RASGRF2: variants seen among roughly 807,000 people sequenced by gnomAD.
The protein encoded by RASGRF2 is Ras protein specific guanine nucleotide releasing factor 2.
A neutral mutation model predicts 151.0 loss-of-function variants in RASGRF2; 76 were observed. The observed-to-expected ratio is 0.50, with a 90% CI of 0.42 to 0.61. The LOEUF (loss-of-function observed/expected upper bound fraction) is 0.61, where lower values mean the gene tolerates loss of function less well. Ranked by LOEUF, RASGRF2 falls within the 20% of genes least tolerant of loss-of-function variation. The probability of loss-of-function intolerance (pLI) is 0.00; values close to 1 mark genes in which losing one functional copy is unlikely to be tolerated. For synonymous variants in RASGRF2, 504 were observed against 566.5 expected (o/e 0.89, Z 1.57); for missense variants, 1,148 against 1,564.6 (o/e 0.73, Z 4.49).
At chr5:81,019,981 A>C (rs1291837088) in intron 1 of RASGRF2, among the ~76,000 whole-genome samples, 1 of 152,260 alleles carries the variant, frequency 6.6e-6, no homozygotes, top group East Asian at 1.9e-4. Context: ...CAGAGTTTTA[A>C]GTGAGCTTGT....
chr5:81,123,599 A>C (rs1580338100), intron 15 of RASGRF2, 43 bp from the exon 16 acceptor site: 2 of 1,593,926 alleles, frequency 1.3e-6, no homozygotes, highest in Admixed American at 3.5e-5. Flanking sequence ...GAAGCTCTTG[A>C]ATTCATGGCC....
chr5:81,178,166 C>G (rs1276622428), intron 17 of RASGRF2, among the ~76,000 whole-genome samples: 1 of 152,220 alleles, frequency 6.6e-6, no homozygotes, highest in East Asian at 1.9e-4. Context: ...GAGGCTATTA[C>G]AGTAGACAGA....
chr5:81,215,722 T>A (rs1467586209), intron 23 of RASGRF2, among the ~76,000 whole-genome samples, 154 bp from the exon 24 acceptor site: 1 of 152,254 alleles, frequency 6.6e-6, no homozygotes, highest in Non-Finnish European at 1.5e-5. Flanking sequence ...ATGCCCTGTC[T>A]CTACATCTTA....
At chr5:81,004,272 A>T (rs58733230) in intron 1 of RASGRF2, among the ~76,000 whole-genome samples, 29,730 of 152,172 alleles carry the variant, frequency 0.2, 3,563 homozygotes, top group African/African-American at 0.35. Context: ...AACAGGGGAG[A>T]CAATTATGCT....
chr5:81,038,280 T>A (rs1174058338), intron 1 of RASGRF2, among the ~76,000 whole-genome samples: 1 of 152,180 alleles, frequency 6.6e-6, no homozygotes, highest in African/African-American at 2.4e-5. Flanking sequence ...CCAGGTTTTG[T>A]CAAATTGCTT....
At chr5:81,034,946 A>T (rs1453824298) in intron 1 of RASGRF2, among the ~76,000 whole-genome samples, 4 of 152,076 alleles carry the variant, frequency 2.6e-5, no homozygotes, top group African/African-American at 7.2e-5. Context: ...TTAAAGTATA[A>T]TAAAAATAAA....
chr5:80,985,463 A>G (rs1292820759), intron 1 of RASGRF2, among the ~76,000 whole-genome samples: 1 of 152,242 alleles, frequency 6.6e-6, no homozygotes, highest in Non-Finnish European at 1.5e-5. Context: ...TTTTTGTGGC[A>G]TGAGAATTTA....
At chr5:81,176,957 G>A (rs925292523) in intron 17 of RASGRF2, among the ~76,000 whole-genome samples, 25 of 152,278 alleles carry the variant, frequency 1.6e-4, no homozygotes, top group African/African-American at 5.5e-4. Context: ...CTTTTATGGA[G>A]GGGTGGTCCT....
intron 1 of RASGRF2, among the ~76,000 whole-genome samples, chr5:81,013,647 A>G (rs140113331): frequency 2.0e-5 from 3 of 151,896 alleles, no homozygotes; most frequent in East Asian, 1.9e-4. Context: ...ATGTGTATAT[A>G]TATATGTTAT....
chr5:81,006,680 ACCTCTCGGATCCC>A (rs1001248707), intron 1 of RASGRF2, among the ~76,000 whole-genome samples: 112 of 152,136 alleles, frequency 7.4e-4, no homozygotes, highest in African/African-American at 2.2e-3. Flanking sequence ...GAGCCTTGAG[ACCTCTCGGATCCC>A]CCTTTCCCCA....
In RASGRF2 at chr5:81,206,941, G is replaced by A. The variant is rs1173258144; in HGVS notation, c.2967+36G>A. The A allele has an allele frequency of 2.7e-6, 4 of 1,494,438 alleles. No individual in the cohort carries two copies. The African/African-American group carries it at 4.2e-5, about 16-fold the overall frequency. The allele number at this position is 1,494,438 out of a possible 1,614,324, so 92.6% of individuals were successfully genotyped here. A position where few individuals can be genotyped will look rare whatever the true frequency, so the allele number is the denominator to read the frequency against. ...CCACATTTTTATCTAGCACAACTAT[G>A]TGCAAACTACCTCTCCAAGGCGAGC... On this transcript the variant is annotated intron_variant, in intron 20 of 26. Transcript: ENST00000265080.
chr5:81,089,627 T>A (rs1463322894), intron 9 of RASGRF2, among the ~76,000 whole-genome samples: 2 of 152,218 alleles, frequency 1.3e-5, no homozygotes, highest in Non-Finnish European at 2.9e-5. Context: ...AATAGTTTGT[T>A]GAATAAATGT....
intron 18 of RASGRF2, among the ~76,000 whole-genome samples, chr5:81,180,798 G>A (rs1474203796): frequency 1.3e-5 from 2 of 152,088 alleles, no homozygotes; most frequent in East Asian, 3.9e-4. Flanking sequence ...GCCCGTTGAT[G>A]TTTTGGGTCC....
At chr5:81,073,525 C>G (rs2112463884) in intron 5 of RASGRF2, 73 bp downstream of exon 5, 2 of 1,462,532 alleles carry the variant, frequency 1.4e-6, no homozygotes, top group Non-Finnish European at 1.8e-6. Flanking sequence ...TTTACTTAAT[C>G]TTTAAAAGGG....
At chr5:80,987,963 A>G (rs1480508388) in intron 1 of RASGRF2, among the ~76,000 whole-genome samples, 2 of 135,642 alleles carry the variant, frequency 1.5e-5, no homozygotes, top group Non-Finnish European at 3.1e-5. Context: ...TTTCATTTGT[A>G]CCACATTATC....
chr5:81,184,393 C>T (rs1239268700), intron 18 of RASGRF2, among the ~76,000 whole-genome samples: 1 of 152,190 alleles, frequency 6.6e-6, no homozygotes, highest in African/African-American at 2.4e-5. Context: ...TGGCTATAGA[C>T]ATTTCAGATC....
chr5:81,041,437 A>G (rs547913253), intron 1 of RASGRF2, among the ~76,000 whole-genome samples: 2 of 152,318 alleles, frequency 1.3e-5, no homozygotes, highest in East Asian at 3.9e-4. Context: ...TTCAAAGCAC[A>G]CTCTAAACTC....
In RASGRF2 at chr5:81,188,786, C is replaced by T. The variant is rs555094322; in HGVS notation, c.2793+8505C>T. Among the ~76,000 whole-genome samples, 8 of 152,274 alleles carry T rather than the reference C, an allele frequency of 5.3e-5. No individual in the cohort carries two copies. In the South Asian group the frequency reaches 6.2e-4, roughly 12 times the overall value. On this transcript the variant is annotated intron_variant, in intron 18 of 26. Coordinates refer to ENST00000265080, the MANE Select transcript of RASGRF2 (RefSeq NM_006909.3). ...CTGAACCATTTCCCTGAGGTTCCACCGATAGCAAATGGCAGCAGCAGGTTT... is the reference window on the plus strand; with the variant it reads ...CTGAACCATTTCCCTGAGGTTCCACTGATAGCAAATGGCAGCAGCAGGTTT...
chr5:81,043,072 C>T (rs1750728807), intron 2 of RASGRF2, 89 bp downstream of exon 2: 3 of 965,636 alleles, frequency 3.1e-6, no homozygotes, highest in Non-Finnish European at 4.7e-6. Context: ...GAAGAACTTG[C>T]AACTCTAAGA....
Sources: allele counts gnomAD v4.1 joint callset (sites outside exome capture counted in the v4.1 genomes callset), GRCh38; gene constraint gnomAD v4.1.1; transcripts MANE v1.5; gene names NCBI Gene and HGNC (gene_info 2026-07-23, HGNC 2026-07-21).